The following TTL variants were observed in gnomAD, a reference collection of about 807,000 sequenced individuals.
The protein encoded by TTL is tubulin--tyrosine ligase.
In TTL, 10 loss-of-function variants were observed where a neutral mutation model predicts 41.1. The ratio of observed to expected loss-of-function variants is 0.24; its 90% CI spans 0.15 to 0.41. TTL has a LOEUF of 0.41. TTL is among the 10% of genes least tolerant of loss of function. TTL has a pLI of 1.00. For missense variants in TTL, 367 were observed against 460.4 expected, an observed-to-expected ratio of 0.80 and a Z score of 1.86; for synonymous variants, 175 against 175.5, an observed-to-expected ratio of 1.00 and a Z score of 0.02.
chr2:112,483,993 C>T (rs1681164635), intron 1 of TTL: 1 of 152,352 alleles, frequency 6.6e-6, no homozygotes, highest in South Asian at 2.1e-4. Flanking sequence ...TCCACTTCCC[C>T]TTCCAGACTT....
chr2:112,488,891 A>C (rs1574053887), intron 2 of TTL, among the ~76,000 whole-genome samples: 1 of 152,274 alleles, frequency 6.6e-6, no homozygotes, highest in Middle Eastern at 3.4e-3. Context: ...GATTGAGACC[A>C]TCCTGGCCAA....
intron 5 of TTL, among the ~76,000 whole-genome samples, chr2:112,516,244 G>A (rs1320031904): frequency 1.3e-5 from 2 of 152,094 alleles, no homozygotes; most frequent in Admixed American, 1.3e-4. Context: ...AGACATCTGG[G>A]TTTTATCTCT....
chr2:112,500,359 T>G (rs1681656207), intron 3 of TTL, among the ~76,000 whole-genome samples: 1 of 151,752 alleles, frequency 6.6e-6, no homozygotes. Flanking sequence ...GATCACGAGG[T>G]CAGAAGACCA....
chr2:112,487,469 C>T (rs894123188), intron 2 of TTL, among the ~76,000 whole-genome samples: 7 of 152,164 alleles, frequency 4.6e-5, no homozygotes, highest in African/African-American at 7.2e-5. Flanking sequence ...TCTTCTGCTA[C>T]GATTTTTCCC....
At chr2:112,496,665 C>G (rs1341150697) in intron 3 of TTL, among the ~76,000 whole-genome samples, 10 of 106,052 alleles carry the variant, frequency 9.4e-5, no homozygotes, top group South Asian at 3.2e-4. Flanking sequence ...ATATATGTGT[C>G]TGTGTGTGTG....
chr2:112,531,553 A>G lies in TTL; in HGVS notation c.*2758A>G, dbSNP rs1271562721. 4.4e-6 allele frequency: 1 copy of G among 229,606 alleles called. No individual in the cohort carries two copies. The highest frequency in any genetic ancestry group is 2.2e-5 in the African/African-American group (1 of 44,970). The allele number at this position is 229,606 out of a possible 1,614,324, so 14.2% of individuals were successfully genotyped here. ...AAGCTTTTAAAAAATGTTAGTGCCC[A>G]CTCTTCCCCTGTACCCCCGGACAGT... On this transcript the variant is annotated 3_prime_UTR_variant, in exon 7 of 7. Transcript: ENST00000233336.
At chr2:112,489,014 G>C (rs974788203) in intron 2 of TTL, among the ~76,000 whole-genome samples, 1 of 152,082 alleles carries the variant, frequency 6.6e-6, no homozygotes. Context: ...TTGGGCCCAG[G>C]AGGTGGAGAT....
chr2:112,499,929 A>C (rs1681646600), intron 3 of TTL, among the ~76,000 whole-genome samples: 1 of 152,258 alleles, frequency 6.6e-6, no homozygotes, highest in South Asian at 2.1e-4. Context: ...CTTGTATGCA[A>C]ATCTTATAGC....
intron 3 of TTL, among the ~76,000 whole-genome samples, chr2:112,497,522 C>T (rs1183601274): frequency 1.3e-5 from 2 of 152,098 alleles, no homozygotes; most frequent in Middle Eastern, 3.4e-3. Context: ...AGGTATAAAA[C>T]GATACATAAA....
Position 112,494,351 on chromosome 2 carries a change from G to T in TTL, c.445G>T (p.Ala149Ser), listed in dbSNP as rs1681470157. The change falls in exon 3 of 7, where the codon GCA becomes TCA. Residue 149 changes from alanine to serine, a missense_variant. Coordinates refer to ENST00000233336, the MANE Select transcript of TTL (RefSeq NM_153712.5). ...GGATGGAGAGGGCAACGTTTGGATT[G>T]CAAAGTCATCAGCCGGTGCCAAAGG... ...KEDGEGNVWI[A>S]KSSAGAKGEG... The T allele has an allele frequency of 1.2e-6, 2 of 1,613,920 alleles. No homozygotes were observed. The highest frequency in any genetic ancestry group is 1.3e-5 in the African/African-American group (1 of 74,926).
intron 1 of TTL, among the ~76,000 whole-genome samples, chr2:112,485,196 C>T (rs1323157346): frequency 2.0e-5 from 3 of 152,190 alleles, no homozygotes; most frequent in Admixed American, 2.0e-4. Flanking sequence ...GTGACTTACC[C>T]ACCTCAGCCT....
At chr2:112,517,179 A>T (rs1682095068) in intron 5 of TTL, among the ~76,000 whole-genome samples, 1 of 144,354 alleles carries the variant, frequency 6.9e-6, no homozygotes, top group South Asian at 2.2e-4. Context: ...AAAAAAAAAA[A>T]TTAGTTTTGA....
At chr2:112,500,392 G>C (rs1431956803) in intron 3 of TTL, among the ~76,000 whole-genome samples, 1 of 152,078 alleles carries the variant, frequency 6.6e-6, no homozygotes, top group Non-Finnish European at 1.5e-5. Flanking sequence ...CCAACATGGT[G>C]AAACCCCATA....
rs375312979 is a variant in TTL, at chr2:112,490,378, G to A, written c.237-3765G>A. 3.3e-5 allele frequency among the ~76,000 whole-genome samples: 5 copies of A among 151,882 alleles called. No individual in the cohort carries two copies. The South Asian group carries it at 1.0e-3, about 32-fold the overall frequency. ...GTTTGCAGTGAGCCGAGATTGTGCC[G>A]CTGCACTCCAGCCTGGGCAACAGAA... On this transcript the variant is annotated intron_variant, in intron 2 of 6. Transcript: ENST00000233336.
At chr2:112,498,431 T>TA (rs1198866245) in intron 3 of TTL, among the ~76,000 whole-genome samples, 1 of 152,082 alleles carries the variant, frequency 6.6e-6, no homozygotes, top group Non-Finnish European at 1.5e-5. Flanking sequence ...CTAAAAATAG[T>TA]AAAATGATTA....
Position 112,482,563 on chromosome 2 carries a change from C to G in TTL, c.157+62C>G. The G allele has an allele frequency of 1.3e-6, 2 of 1,490,030 alleles. No homozygotes were observed. The highest frequency in any genetic ancestry group is 1.8e-6 in the Non-Finnish European group (2 of 1,115,612). The allele number at this position is 1,490,030 out of a possible 1,614,324, so 92.3% of individuals were successfully genotyped here. On this transcript the variant is annotated intron_variant, in intron 1 of 6. Coordinates refer to ENST00000233336, the MANE Select transcript of TTL (RefSeq NM_153712.5). The surrounding 1 kb of genome is among the most constrained non-coding windows in gnomAD (Gnocchi z 5.3). ...AGCGGCCCTGCGCGCCTCCCGCGGC[C>G]CGTTAGAACCGGCGCTTTTGTTTTT...
intron 6 of TTL, among the ~76,000 whole-genome samples, chr2:112,523,350 C>CTGTGTGTGTGTGTG (rs60321232): frequency 1.7e-4 from 25 of 149,858 alleles, no homozygotes; most frequent in South Asian, 1.3e-3. Context: ...GTGTGTGTGT[C>CTGTGTGTGTGTGTG]TGTGTGTGTG....
Position 112,535,537 on chromosome 2 carries a change from T to C in TTL, c.*6742T>C, listed in dbSNP as rs1682582292. ...CACTAAGTAAATAATTTTAAATATA[T>C]AGTAAAAAATGACAAGGAAACAGAA... is the stretch of plus-strand genomic sequence containing the variant. On this transcript the variant is annotated 3_prime_UTR_variant, in exon 7 of 7. Transcript: ENST00000233336. The C allele has an allele frequency of 6.7e-6, 1 of 150,234 alleles. No individual in the cohort carries two copies. The highest frequency in any genetic ancestry group is 6.6e-5 in the Admixed American group (1 of 15,086). The allele number at this position is 150,234 out of a possible 1,614,324, so 9.3% of individuals were successfully genotyped here.
Position 112,538,691 on chromosome 2 carries a change from T to G in TTL, c.*9896T>G, listed in dbSNP as rs1418386405. ...TACTCTGATGGCTGAGGCACAAGAATCGCTTGAACCTGAGAAGAGGAGGTT... is the reference window on the plus strand; with the variant it reads ...TACTCTGATGGCTGAGGCACAAGAAGCGCTTGAACCTGAGAAGAGGAGGTT... On this transcript the variant is annotated 3_prime_UTR_variant, in exon 7 of 7. Coordinates refer to ENST00000233336, the MANE Select transcript of TTL (RefSeq NM_153712.5). 1 of 152,134 alleles carries G rather than the reference T, an allele frequency of 6.6e-6. No individual in the cohort carries two copies. The highest frequency in any genetic ancestry group is 1.5e-5 in the Non-Finnish European group (1 of 68,092). 9.4% of individuals were successfully genotyped at this position (152,134 alleles called of 1,614,324 possible).
Sources: gnomAD v4.1 joint callset for allele counts (sites outside exome capture counted in the v4.1 genomes callset) on GRCh38, gnomAD v4.1.1 for gene constraint, Gnocchi (gnomAD v3.1) non-coding constraint, MANE v1.5 for transcripts, NCBI Gene and HGNC (gene_info 2026-07-23, HGNC 2026-07-21) for gene names.